The following COMMD1 variants were observed in gnomAD, a reference collection of about 807,000 sequenced individuals.
COMMD1 encodes the protein copper metabolism domain containing 1, also known as COMM domain-containing protein 1.
A neutral mutation model predicts 17.2 loss-of-function variants in COMMD1; 10 were observed. The observed-to-expected ratio is 0.58, with a 90% CI of 0.36 to 0.99. The LOEUF (loss-of-function observed/expected upper bound fraction) is 0.99. COMMD1 is among the 50% of genes least tolerant of loss of function. COMMD1 has a pLI of 0.01. For missense variants in COMMD1, 270 were observed against 231.8 expected (o/e 1.17, Z -1.07); for synonymous variants, 97 against 91.6 (o/e 1.06, Z -0.34).
intron 1 of COMMD1, among the ~76,000 whole-genome samples, chr2:61,929,128 C>T (rs2105205498): frequency 6.6e-6 from 1 of 152,332 alleles, no homozygotes; most frequent in East Asian, 1.9e-4. Flanking sequence ...CTTCTGAAAA[C>T]ATTTTATCTG....
At chr2:61,954,881 C>G (rs969164125) in intron 1 of COMMD1, among the ~76,000 whole-genome samples, 26 of 152,210 alleles carry the variant, frequency 1.7e-4, no homozygotes, top group Non-Finnish European at 1.9e-4. Flanking sequence ...CACCGTGTTG[C>G]CCAGGCTGGT....
rs902392451 is a variant in COMMD1 at position 62,000,781 on chromosome 2, A to G, written c.261A>G (p.Thr87=). The change falls in exon 2 of 3, where the codon ACA becomes ACG. Residue 87 remains threonine (T), a synonymous_variant. Transcript: ENST00000311832. ...TAQTKKQGGI[T]SDQAAVISKF... is the part of the protein sequence containing the mutation. Reference sequence around the variant, plus strand: ...AAACCAAAAAGCAAGGTGGGATCACATCTGACCAAGCTGCTGTCATTTCCA... The same window carrying G: ...AAACCAAAAAGCAAGGTGGGATCACGTCTGACCAAGCTGCTGTCATTTCCA... 2 of 1,614,210 alleles carry G rather than the reference A, an allele frequency of 1.2e-6. No homozygotes were observed. The highest frequency in any genetic ancestry group is 1.7e-6 in the Non-Finnish European group (2 of 1,180,034).
intron 1 of COMMD1, chr2:61,928,609 T>G (rs903347593): frequency 3.3e-5 from 5 of 150,502 alleles, no homozygotes; most frequent in African/African-American, 1.2e-4. Context: ...CCTTGACATA[T>G]TTTTTTTATT....
At chr2:61,956,962 G>A (rs1192287444) in intron 1 of COMMD1, among the ~76,000 whole-genome samples, 1 of 151,800 alleles carries the variant, frequency 6.6e-6, no homozygotes, top group Non-Finnish European at 1.5e-5. Flanking sequence ...GGTTGGCCAG[G>A]ATGGTCTCGA....
At chr2:62,102,354 G>T (rs1382905810) in intron 2 of COMMD1, among the ~76,000 whole-genome samples, 1 of 152,128 alleles carries the variant, frequency 6.6e-6, no homozygotes, top group African/African-American at 2.4e-5. Context: ...TCCTAGTACA[G>T]ATGCCATTTC....
At chr2:62,102,370 T>C (rs1365158818) in intron 2 of COMMD1, among the ~76,000 whole-genome samples, 5 of 152,218 alleles carry the variant, frequency 3.3e-5, no homozygotes, top group African/African-American at 1.2e-4. Flanking sequence ...ATTTCCTTCA[T>C]GAAACTCTTA....
At chr2:62,103,830 A>G (rs1672250719) in intron 2 of COMMD1, among the ~76,000 whole-genome samples, 1 of 152,088 alleles carries the variant, frequency 6.6e-6, no homozygotes, top group South Asian at 2.1e-4. Flanking sequence ...TAGAACTGTA[A>G]TGTGTGCCGT....
intron 2 of COMMD1, among the ~76,000 whole-genome samples, chr2:62,125,336 A>G (rs1672858174): frequency 6.6e-6 from 1 of 152,198 alleles, no homozygotes; most frequent in Non-Finnish European, 1.5e-5. Flanking sequence ...CGATATGGGT[A>G]TCTATTGAGT....
chr2:61,970,383 A>G (rs1253963091), intron 1 of COMMD1, among the ~76,000 whole-genome samples: 4 of 152,172 alleles, frequency 2.6e-5, no homozygotes, highest in Non-Finnish European at 4.4e-5. Flanking sequence ...AATTAGTTCT[A>G]GGATCTCGAA....
At chr2:61,896,566 C>T (rs1669552728) in intron 1 of COMMD1, among the ~76,000 whole-genome samples, 1 of 152,058 alleles carries the variant, frequency 6.6e-6, no homozygotes, top group Non-Finnish European at 1.5e-5. Context: ...CAGAGTGAGA[C>T]CCTATCTCAG....
chr2:61,889,947 G>A (rs1476817301), intron 1 of COMMD1, among the ~76,000 whole-genome samples: 2 of 152,184 alleles, frequency 1.3e-5, no homozygotes, highest in African/African-American at 4.8e-5. Context: ...GAGAACTGGA[G>A]CCCAAAGAAG....
At chr2:62,005,634 A>G (rs1341460513) in intron 2 of COMMD1, among the ~76,000 whole-genome samples, 2 of 152,228 alleles carry the variant, frequency 1.3e-5, no homozygotes, top group Admixed American at 6.5e-5. Flanking sequence ...GCAAATCAAA[A>G]CCACAATGAG....
At chr2:61,944,385 A>C (rs2103646622) in intron 1 of COMMD1, among the ~76,000 whole-genome samples, 1 of 152,182 alleles carries the variant, frequency 6.6e-6, no homozygotes, top group East Asian at 1.9e-4. Flanking sequence ...TGGGAAGTTG[A>C]GACTGCAGTG....
intron 2 of COMMD1, among the ~76,000 whole-genome samples, chr2:62,077,455 T>G (rs932416458): frequency 6.6e-6 from 1 of 152,170 alleles, no homozygotes; most frequent in African/African-American, 2.4e-5. Flanking sequence ...TGGGATTTTC[T>G]TTTTCTAGAG....
chr2:62,079,125 C>T (rs1671443285), intron 2 of COMMD1, among the ~76,000 whole-genome samples: 1 of 152,036 alleles, frequency 6.6e-6, no homozygotes, highest in Non-Finnish European at 1.5e-5. Flanking sequence ...CGAACCAGAC[C>T]CCAAGAGAGG....
chr2:62,121,400 C>G (rs1223011588), intron 2 of COMMD1, among the ~76,000 whole-genome samples: 8 of 100,146 alleles, frequency 8.0e-5, no homozygotes, highest in Non-Finnish European at 1.7e-4. Flanking sequence ...AAAAAAAATT[C>G]CTGCCTAAAA....
intron 1 of COMMD1, among the ~76,000 whole-genome samples, chr2:61,941,748 G>C (rs1037094467): frequency 6.6e-6 from 1 of 152,090 alleles, no homozygotes; most frequent in Non-Finnish European, 1.5e-5. Context: ...ACCCAAACAA[G>C]CTCTTTCATT....
chr2:62,089,932 G>A (rs888931235), intron 2 of COMMD1, among the ~76,000 whole-genome samples: 58 of 152,232 alleles, frequency 3.8e-4, no homozygotes, highest in African/African-American at 1.4e-3. Flanking sequence ...CATTTGGCAA[G>A]GTCCCACAGC....
At chr2:62,085,852 G>T (rs772208928) in intron 2 of COMMD1, among the ~76,000 whole-genome samples, 1 of 151,962 alleles carries the variant, frequency 6.6e-6, no homozygotes, top group Non-Finnish European at 1.5e-5. Flanking sequence ...ATGGTGGCGG[G>T]CGCCTGTCCC....
Sources: allele counts gnomAD v4.1 joint callset (sites outside exome capture counted in the v4.1 genomes callset), GRCh38; gene constraint gnomAD v4.1.1; transcripts MANE v1.5; gene names NCBI Gene and HGNC (gene_info 2026-07-23, HGNC 2026-07-21).